The following HCFC2 variants were observed in gnomAD, a reference collection of about 807,000 sequenced individuals.
HCFC2 encodes the protein host cell factor 2.
A neutral mutation model predicts 89.2 loss-of-function variants in HCFC2; 18 were observed. The observed-to-expected ratio is 0.20, with a 90% CI of 0.14 to 0.30. The LOEUF is 0.30. Among genes scored for constraint, HCFC2 ranks in the 10% least tolerant of loss-of-function variants. The pLI, the probability that HCFC2 is intolerant of heterozygous loss-of-function variation, is 1.00. For synonymous variants in HCFC2, 308 were observed against 335.7 expected (o/e 0.92, Z 0.90); for missense variants, 578 against 956.1 (o/e 0.60, Z 5.21).
chr12:104,097,001 C>T (rs910261041), intron 12 of HCFC2, among the ~76,000 whole-genome samples: 8 of 152,052 alleles, frequency 5.3e-5, no homozygotes, highest in Non-Finnish European at 8.8e-5. Context: ...ATTTGGTTGT[C>T]TTACATAGGC....
At chr12:104,066,035 A>G (rs1883120976) in intron 1 of HCFC2, 132 bp from the exon 2 acceptor site, 1 of 855,346 alleles carries the variant, frequency 1.2e-6, no homozygotes, top group Non-Finnish European at 1.9e-6. Flanking sequence ...GTCACCAGAC[A>G]TTACCAAATG....
intron 6 of HCFC2, 21 bp downstream of exon 6, chr12:104,082,627 T>A (rs1883717595): frequency 4.4e-6 from 7 of 1,576,928 alleles, no homozygotes; most frequent in African/African-American, 4.1e-5. Context: ...TAAGAGTTAC[T>A]CATTGAATTA....
intron 2 of HCFC2, 96 bp downstream of exon 2, chr12:104,066,411 C>T: frequency 1.2e-6 from 1 of 852,684 alleles, no homozygotes; most frequent in East Asian, 2.8e-5. Flanking sequence ...TTGTTTAACA[C>T]ATTTTAATAT....
Position 104,068,580 on chromosome 12 carries a change from A to T in HCFC2, c.473+473A>T, listed in dbSNP as rs970822970. ...ATTAGAGTAGTTCACGCTAGCATAT[A>T]CTTTTACAATCAATTATTTCCTCCT... On this transcript the variant is annotated intron_variant, in intron 3 of 14. Transcript: ENST00000229330. This position sits in a 1 kb window ranked among gnomAD's most constrained non-coding sequence, Gnocchi z 4.1. Among the ~76,000 whole-genome samples, 1 of 152,226 alleles carries T rather than the reference A, an allele frequency of 6.6e-6. No homozygotes were observed. The highest frequency in any genetic ancestry group is 6.5e-5 in the Admixed American group (1 of 15,284).
At chr12:104,079,014 C>A (rs991791147) in intron 3 of HCFC2, among the ~76,000 whole-genome samples, 3 of 152,130 alleles carry the variant, frequency 2.0e-5, no homozygotes, top group Non-Finnish European at 4.4e-5. Context: ...CTTCTGTGAC[C>A]CAGCCTCAGA....
intron 3 of HCFC2, among the ~76,000 whole-genome samples, chr12:104,073,242 G>A (rs1883390031): frequency 6.7e-6 from 1 of 148,774 alleles, no homozygotes; most frequent in Admixed American, 6.8e-5. Flanking sequence ...TCGGCTCACT[G>A]CAGCCTCCAC....
At chr12:104,096,484 T>C in intron 12 of HCFC2, 51 bp downstream of exon 12, 2 of 1,245,400 alleles carry the variant, frequency 1.6e-6, no homozygotes, top group Non-Finnish European at 2.3e-6. Context: ...TTATGTACTT[T>C]TAAATGCTGA....
chr12:104,088,501 G>A (rs1321582729), intron 9 of HCFC2, among the ~76,000 whole-genome samples: 1 of 152,042 alleles, frequency 6.6e-6, no homozygotes, highest in African/African-American at 2.4e-5. Flanking sequence ...TTACTAAATT[G>A]AACACTTGTG....
chr12:104,087,114 G>C (rs1883876744), intron 8 of HCFC2, 100 bp downstream of exon 8: 1 of 1,117,230 alleles, frequency 9.0e-7, no homozygotes, highest in South Asian at 1.5e-5. Flanking sequence ...CAGCACTTTG[G>C]GAGGCTGAGG....
rs2029914138 is a variant in HCFC2 at position 104,100,755 on chromosome 12, T to C, written c.1879-1213T>C. Among the ~76,000 whole-genome samples the C allele has an allele frequency of 2.0e-5, 3 of 152,212 alleles. No homozygotes were observed. The South Asian group carries it at 6.2e-4, about 31-fold the overall frequency. On this transcript the variant is annotated intron_variant, in intron 13 of 14. Transcript: ENST00000229330. ...TTTTCATACAGAATTTTTCTAATTC[T>C]TGACAAAAATAGAAATTCTAGTTAA...
At chr12:104,077,550 G>GTTTTT (rs202233502) in intron 3 of HCFC2, among the ~76,000 whole-genome samples, 2 of 133,440 alleles carry the variant, frequency 1.5e-5, no homozygotes, top group Admixed American at 7.4e-5. Flanking sequence ...CCCCTGGCCT[G>GTTTTT]TTTTTTTTTT....
chr12:104,097,919 G>A (rs532556834), intron 12 of HCFC2, among the ~76,000 whole-genome samples: 293 of 152,244 alleles, frequency 1.9e-3, no homozygotes, highest in African/African-American at 6.8e-3. Flanking sequence ...ATTTTTGCTA[G>A]TTGTTTTTGG....
rs766125324 is a variant in HCFC2, at chr12:104,082,529, A to G, written c.797A>G (p.His266Arg). 3 of 1,612,472 alleles carry G rather than the reference A, an allele frequency of 1.9e-6. No homozygotes were observed. The highest frequency in any genetic ancestry group is 2.2e-5 in the East Asian group (1 of 44,848). The change falls in exon 6 of 15, where the codon CAT becomes CGT. Residue 266 changes from histidine (H) to arginine (R), a missense_variant. His to Arg is a conservative substitution (Grantham distance 29, BLOSUM62 0). Coordinates refer to ENST00000229330, the MANE Select transcript of HCFC2 (RefSeq NM_013320.3). ...TACATTTTTGGTGGATGGGTCCCAC[A>G]TAAGGGGGAAAATACTGAGACTTCA... ...KMYIFGGWVP[H>R]KGENTETSPH... is the part of the protein sequence containing the mutation.
intron 4 of HCFC2, among the ~76,000 whole-genome samples, chr12:104,080,067 A>G (rs1250570811): frequency 6.6e-6 from 1 of 152,198 alleles, no homozygotes; most frequent in Non-Finnish European, 1.5e-5. Context: ...ACCCTTAGGT[A>G]GTTCTCTCTA....
intron 8 of HCFC2, 68 bp downstream of exon 8, chr12:104,087,082 C>G: frequency 3.4e-6 from 5 of 1,465,898 alleles, no homozygotes; most frequent in Non-Finnish European, 4.7e-6. Flanking sequence ...TGGCCGGGCG[C>G]GGTGGCTCAC....
At chr12:104,087,298 G>C (rs936665264) in intron 8 of HCFC2, among the ~76,000 whole-genome samples, 1 of 150,008 alleles carries the variant, frequency 6.7e-6, no homozygotes, top group Non-Finnish European at 1.5e-5. Context: ...AGGTTGCAGT[G>C]AGCTGAGATC....
chr12:104,098,383 G>C lies in HCFC2; in HGVS notation c.1781G>C (p.Gly594Ala). Residue 594 changes from glycine (G) to alanine (A), a missense_variant, in exon 13 of 15, where the codon GGA becomes GCA. Physicochemically the swap from Gly to Ala is moderately conservative, Grantham distance 60 (BLOSUM62 0). Transcript: ENST00000229330. ...PSNPVATVKA[G>A]ERQWCDVGIF... ...AATCCAGTGGCCACAGTGAAAGCGG[G>C]AGAACGACAATGGTGTGATGTGGGA... 1 of 1,611,298 alleles carries C rather than the reference G, an allele frequency of 6.2e-7. No individual in the cohort carries two copies. The highest frequency in any genetic ancestry group is 8.5e-7 in the Non-Finnish European group (1 of 1,179,300).
Position 104,095,151 on chromosome 12 carries a change from G to A in HCFC2, c.1463-209G>A, listed in dbSNP as rs1593609914. 6.6e-6 allele frequency among the ~76,000 whole-genome samples: 1 copy of A among 152,190 alleles called. No homozygotes were observed. The highest frequency in any genetic ancestry group is 1.9e-4 in the East Asian group (1 of 5,174). ...TTCGGTGTTTAGAATGAACGAGGAAGGTAAAAAGTTGGATATCCATTATGG... is the reference window on the plus strand; with the variant it reads ...TTCGGTGTTTAGAATGAACGAGGAAAGTAAAAAGTTGGATATCCATTATGG... On this transcript the variant is annotated intron_variant, in intron 10 of 14. Transcript: ENST00000229330. This position sits in a 1 kb window ranked among gnomAD's most constrained non-coding sequence, Gnocchi z 4.2.
chr12:104,076,591 T>G (rs1241078532), intron 3 of HCFC2, among the ~76,000 whole-genome samples: 5 of 152,224 alleles, frequency 3.3e-5, no homozygotes, highest in Non-Finnish European at 7.3e-5. Flanking sequence ...GGTTCTTGTA[T>G]TTTGTTTCCC....
Sources: allele counts gnomAD v4.1 joint callset (sites outside exome capture counted in the v4.1 genomes callset), GRCh38; gene constraint gnomAD v4.1.1; non-coding constraint Gnocchi (gnomAD v3.1); transcripts MANE v1.5; gene names NCBI Gene and HGNC (gene_info 2026-07-23, HGNC 2026-07-21).